The following ST8SIA6 variants were observed in gnomAD, a reference collection of about 807,000 sequenced individuals.
The protein encoded by ST8SIA6 is alpha-2,8-sialyltransferase 8F.
ST8SIA6 carries 39 observed loss-of-function variants against 33.6 expected under a neutral mutation model. The ratio of observed to expected loss-of-function variants is 1.16; its 90% confidence interval spans 0.90 to 1.52. The LOEUF is 1.52. ST8SIA6 is among the 40% of genes most tolerant of loss of function. The pLI is 0.00. For missense variants in ST8SIA6, 441 were observed against 443.8 expected (o/e 0.99, Z 0.06); for synonymous variants, 172 against 167.2 (o/e 1.03, Z -0.22).
intron 3 of ST8SIA6, among the ~76,000 whole-genome samples, chr10:17,377,563 C>CA (rs1159268554): frequency 3.3e-5 from 5 of 152,164 alleles, no homozygotes; most frequent in African/African-American, 1.2e-4. Flanking sequence ...TTTTGGAGCT[C>CA]AAAATCTGAA....
At chr10:17,377,707 A>G (rs1258051785) in intron 3 of ST8SIA6, among the ~76,000 whole-genome samples, 1 of 152,240 alleles carries the variant, frequency 6.6e-6, no homozygotes, top group East Asian at 1.9e-4. Context: ...CTCCCACTAT[A>G]ACTCCATCTT....
At chr10:17,398,891 C>G (rs960936157) in intron 2 of ST8SIA6, among the ~76,000 whole-genome samples, 1 of 152,190 alleles carries the variant, frequency 6.6e-6, no homozygotes, top group African/African-American at 2.4e-5. Flanking sequence ...GCACCAACTT[C>G]CAGCTCATTA....
chr10:17,450,332 G>A (rs1053709744), intron 2 of ST8SIA6, among the ~76,000 whole-genome samples: 2 of 152,154 alleles, frequency 1.3e-5, no homozygotes, highest in African/African-American at 2.4e-5. Flanking sequence ...GATGGAAAAG[G>A]ATCAACATCA....
intron 6 of ST8SIA6, 35 bp downstream of exon 6, chr10:17,326,979 T>C: frequency 6.9e-7 from 1 of 1,455,934 alleles, no homozygotes; most frequent in Non-Finnish European, 9.5e-7. Flanking sequence ...CCAACTGATC[T>C]ATTGTTTCAA....
At chr10:17,353,690 C>T (rs1849103330) in intron 4 of ST8SIA6, among the ~76,000 whole-genome samples, 1 of 152,106 alleles carries the variant, frequency 6.6e-6, no homozygotes, top group Non-Finnish European at 1.5e-5. Context: ...TAATCAGGCA[C>T]GAAATACCTG....
At chr10:17,329,941 C>T (rs1170482681) in intron 5 of ST8SIA6, among the ~76,000 whole-genome samples, 2 of 152,070 alleles carry the variant, frequency 1.3e-5, no homozygotes, top group African/African-American at 2.4e-5. Flanking sequence ...TTCATTAAAA[C>T]GTTTAATGCC....
At chr10:17,421,686 C>T (rs1851784657) in intron 2 of ST8SIA6, among the ~76,000 whole-genome samples, 1 of 152,044 alleles carries the variant, frequency 6.6e-6, no homozygotes, top group South Asian at 2.1e-4. Flanking sequence ...CCTCAGCCTC[C>T]CCACTAGCTG....
rs943934194 is a variant in ST8SIA6 at position 17,377,491 on chromosome 10, G to T, written c.290+13040C>A. ...CAAAAATTAATTGAGCAACTGCTATGTGCTGCACCCTTGTGATTGGCACCA... is the reference window on the plus strand; with the variant it reads ...CAAAAATTAATTGAGCAACTGCTATTTGCTGCACCCTTGTGATTGGCACCA... On this transcript the variant is annotated intron_variant, in intron 3 of 7. Transcript: ENST00000377602. Among the ~76,000 whole-genome samples, 3 of 152,228 alleles carry T rather than the reference G, an allele frequency of 2.0e-5. No homozygotes were observed. The East Asian group carries it at 5.8e-4, about 29-fold the overall frequency.
chr10:17,393,133 A>G (rs1850679721), intron 2 of ST8SIA6, among the ~76,000 whole-genome samples: 1 of 152,140 alleles, frequency 6.6e-6, no homozygotes, highest in Non-Finnish European at 1.5e-5. Context: ...GCCCTTGGAC[A>G]TCGGTGCTCC....
chr10:17,348,558 T>C (rs533774464), intron 4 of ST8SIA6, among the ~76,000 whole-genome samples: 3 of 152,140 alleles, frequency 2.0e-5, no homozygotes, highest in Non-Finnish European at 4.4e-5. Context: ...GAGAAACAGG[T>C]AGGCAGTTCA....
At chr10:17,427,530 C>G (rs572917832) in intron 2 of ST8SIA6, among the ~76,000 whole-genome samples, 1 of 152,326 alleles carries the variant, frequency 6.6e-6, no homozygotes, top group East Asian at 1.9e-4. Flanking sequence ...CAGCATGAGC[C>G]GAAGCCATAG....
chr10:17,419,009 A>G lies in ST8SIA6; in HGVS notation c.201-28389T>C, dbSNP rs959533748. Among the ~76,000 whole-genome samples the G allele has an allele frequency of 1.2e-4, 18 of 151,506 alleles. No individual in the cohort carries two copies. The East Asian group carries it at 2.9e-3, about 24-fold the overall frequency. On this transcript the variant is annotated intron_variant, in intron 2 of 7. Transcript: ENST00000377602. ...GCTCCATCTCAAAAAAAAAAAAAAAAAAAAAAGAAAAATTTAGTCATGCTC... is the reference window on the plus strand; with the variant it reads ...GCTCCATCTCAAAAAAAAAAAAAAAGAAAAAAGAAAAATTTAGTCATGCTC...
chr10:17,388,664 A>T (rs1015125620), intron 3 of ST8SIA6, among the ~76,000 whole-genome samples: 1 of 152,184 alleles, frequency 6.6e-6, no homozygotes, highest in African/African-American at 2.4e-5. Context: ...ATAACTGAGG[A>T]AATTATGACA....
At chr10:17,329,139 T>A (rs767256439) in intron 5 of ST8SIA6, among the ~76,000 whole-genome samples, 1 of 152,176 alleles carries the variant, frequency 6.6e-6, no homozygotes, top group Non-Finnish European at 1.5e-5. Flanking sequence ...TCAGTACAAC[T>A]CTCTTTGTAG....
intron 4 of ST8SIA6, among the ~76,000 whole-genome samples, chr10:17,344,068 A>G (rs928068017): frequency 6.6e-6 from 1 of 152,222 alleles, no homozygotes; most frequent in African/African-American, 2.4e-5. Context: ...AGCTAATGAC[A>G]TGACTGAGAC....
chr10:17,324,835 A>G lies in ST8SIA6; in HGVS notation c.636-1678T>C, dbSNP rs1221810824. Among the ~76,000 whole-genome samples the G allele has an allele frequency of 2.1e-5, 3 of 146,164 alleles. No homozygotes were observed. The East Asian group carries it at 5.8e-4, about 28-fold the overall frequency. ...CATGCATACATATTATAGATTATATATTATATGTAATATTAGTATATTATA... is the reference window on the plus strand; with the variant it reads ...CATGCATACATATTATAGATTATATGTTATATGTAATATTAGTATATTATA... On this transcript the variant is annotated intron_variant, in intron 6 of 7. Transcript: ENST00000377602.
intron 3 of ST8SIA6, among the ~76,000 whole-genome samples, chr10:17,367,023 G>C (rs1849579384): frequency 6.6e-6 from 1 of 152,192 alleles, no homozygotes; most frequent in African/African-American, 2.4e-5. Context: ...TATGATGTTA[G>C]TTCTCAGCAT....
At chr10:17,447,024 CAAA>C (rs566049678) in intron 2 of ST8SIA6, among the ~76,000 whole-genome samples, 6 of 63,342 alleles carry the variant, frequency 9.5e-5, no homozygotes, top group Admixed American at 1.9e-4. Flanking sequence ...GACTCTGTCT[CAAA>C]AAAAAAAAAA....
intron 2 of ST8SIA6, among the ~76,000 whole-genome samples, chr10:17,416,838 C>A (rs1051060843): frequency 4.6e-5 from 7 of 152,182 alleles, no homozygotes; most frequent in Non-Finnish European, 8.8e-5. Context: ...TATTGTCATG[C>A]CCTTGCTCAG....
Sources: gnomAD v4.1 joint callset for allele counts (sites outside exome capture counted in the v4.1 genomes callset) on GRCh38, gnomAD v4.1.1 for gene constraint, MANE v1.5 for transcripts, NCBI Gene and HGNC (gene_info 2026-07-23, HGNC 2026-07-21) for gene names.